Variants in ARHGEF17 observed in about 807,000 individuals in gnomAD.
The protein encoded by ARHGEF17 is 164 kDa Rho-specific guanine-nucleotide exchange factor.
ARHGEF17 carries 80 observed loss-of-function variants against 174.0 expected under a neutral mutation model. That is an observed-to-expected ratio of 0.46 (90% confidence interval 0.38 to 0.55). ARHGEF17 has a LOEUF of 0.55. Among genes scored for constraint, ARHGEF17 ranks in the 20% least tolerant of loss-of-function variants. The pLI is 0.00. For synonymous variants in ARHGEF17, 1,311 were observed against 1,189.1 expected (o/e 1.10, Z -2.11); for missense variants, 2,886 against 2,839.7 (o/e 1.02, Z -0.37).
At chr11:73,344,445 C>T (rs1414951128) in intron 1 of ARHGEF17, among the ~76,000 whole-genome samples, 2 of 152,232 alleles carry the variant, frequency 1.3e-5, no homozygotes, top group Admixed American at 6.5e-5. Flanking sequence ...CCCAGCCTCC[C>T]GGCATCAGGC....
intron 1 of ARHGEF17, among the ~76,000 whole-genome samples, chr11:73,335,343 A>C (rs565114136): frequency 1.3e-5 from 2 of 152,234 alleles, no homozygotes; most frequent in South Asian, 4.1e-4. Context: ...TCTTGGGCTG[A>C]GAGGATGATT....
chr11:73,317,291 G>C (rs1340757398), intron 1 of ARHGEF17, among the ~76,000 whole-genome samples: 8 of 152,152 alleles, frequency 5.3e-5, no homozygotes, highest in African/African-American at 1.9e-4. Flanking sequence ...GGGAGCTCAT[G>C]CCTCCCCCTA....
intron 1 of ARHGEF17, among the ~76,000 whole-genome samples, chr11:73,331,436 A>G (rs1215442604): frequency 6.6e-6 from 1 of 151,972 alleles, no homozygotes; most frequent in Non-Finnish European, 1.5e-5. Context: ...GCCCCAGCGT[A>G]GCCTATACCA....
intron 10 of ARHGEF17, 70 bp downstream of exon 10, chr11:73,360,022 C>A: frequency 7.2e-7 from 1 of 1,390,788 alleles, no homozygotes. Flanking sequence ...GAGAGATAGA[C>A]AGCCCTGACA....
chr11:73,338,824 A>G (rs750019910), intron 1 of ARHGEF17, among the ~76,000 whole-genome samples: 4 of 152,008 alleles, frequency 2.6e-5, no homozygotes, highest in Non-Finnish European at 5.9e-5. Context: ...CTTACCAGCC[A>G]GGTGACCTCT....
chr11:73,329,366 TATA>T (rs1378184586), intron 1 of ARHGEF17, among the ~76,000 whole-genome samples: 13 of 19,764 alleles, frequency 6.6e-4, no homozygotes, highest in Non-Finnish European at 1.2e-3. Context: ...TATATATATA[TATA>T]TATATTTTTT....
intron 1 of ARHGEF17, among the ~76,000 whole-genome samples, chr11:73,337,893 T>A (rs1365780196): frequency 1.3e-5 from 2 of 152,110 alleles, no homozygotes; most frequent in Non-Finnish European, 2.9e-5. Flanking sequence ...TCACTCATAA[T>A]CCCACCCCAG....
Position 73,360,394 on chromosome 11 carries a change from C to T in ARHGEF17, c.4281C>T (p.Tyr1427=), listed in dbSNP as rs772457415. ...RDLSEKQALC[Y]ALSFPPTKLE... is the part of the protein sequence containing the mutation. ...TGTCGGAGAAGCAGGCGCTGTGCTACGCGCTTTCCTTCCCGCCAACCAAGC... is the reference window on the plus strand; with the variant it reads ...TGTCGGAGAAGCAGGCGCTGTGCTATGCGCTTTCCTTCCCGCCAACCAAGC... The change falls in exon 11 of 21, where the codon TAC becomes TAT. Residue 1427 remains tyrosine, a synonymous_variant. Transcript: ENST00000263674. 11 of 1,613,946 alleles carry T rather than the reference C, an allele frequency of 6.8e-6. No individual in the cohort carries two copies. Among genetic ancestry groups the T allele is most frequent in the East Asian group, 2.2e-5 (1 of 44,886 alleles).
In ARHGEF17 at chr11:73,310,141, C is replaced by A. The variant is rs780258089; in HGVS notation, c.1503C>A (p.Pro501=). Residue 501 remains proline, a synonymous_variant, in exon 1 of 21, where the codon CCC becomes CCA. Coordinates refer to ENST00000263674, the MANE Select transcript of ARHGEF17 (RefSeq NM_014786.4). ...GCTCCGGGGACCGTGGAAGCAACCC[C>A]CTAGATGGCAGAGACTCACCATCCG... ...GGSSGDRGSN[P]LDGRDSPSAG... The A allele has an allele frequency of 1.2e-6, 2 of 1,614,070 alleles. No homozygotes were observed. Among genetic ancestry groups the A allele is most frequent in the Non-Finnish European group, 1.7e-6 (2 of 1,180,032 alleles).
Position 73,365,099 on chromosome 11 carries a change from A to T in ARHGEF17, c.5551-291A>T. On this transcript the variant is annotated intron_variant, in intron 18 of 20. Coordinates refer to ENST00000263674, the MANE Select transcript of ARHGEF17 (RefSeq NM_014786.4). The surrounding 1 kb of genome is among the most constrained non-coding windows in gnomAD (Gnocchi z 4.9). ...GTGTGACCTTTCCCTTCTAGGCTTC[A>T]GCTTCCCCACCTGTCCAGGGGGAGG... 2 of 415,394 alleles carry T rather than the reference A, an allele frequency of 4.8e-6. No individual in the cohort carries two copies. Among genetic ancestry groups the T allele is most frequent in the Non-Finnish European group, 4.4e-6 (1 of 228,456 alleles). The allele number at this position is 415,394 out of a possible 1,614,324, so 25.7% of individuals were successfully genotyped here. A position where few individuals can be genotyped will look rare whatever the true frequency, so the allele number is the denominator to read the frequency against.
chr11:73,361,328 T>C (rs1261430192), intron 12 of ARHGEF17, among the ~76,000 whole-genome samples, 167 bp downstream of exon 12: 1 of 152,240 alleles, frequency 6.6e-6, no homozygotes, highest in Admixed American at 6.5e-5. Context: ...ATGTATTACA[T>C]GTACACATGT....
chr11:73,357,177 G>A (rs1300024561), intron 8 of ARHGEF17, 43 bp downstream of exon 8: 2 of 1,612,150 alleles, frequency 1.2e-6, no homozygotes, highest in African/African-American at 2.7e-5. Context: ...AACAGGGGGA[G>A]CATTTGTCCC....
chr11:73,368,609 G>C lies in ARHGEF17; in HGVS notation c.*829G>C, dbSNP rs1314510059. ...CTTGGACAGGGCTTTCTCTCAGGTA[G>C]GAGAAATGGGCCCATGATCTCCTCA... On this transcript the variant is annotated 3_prime_UTR_variant, in exon 21 of 21. Coordinates refer to ENST00000263674, the MANE Select transcript of ARHGEF17 (RefSeq NM_014786.4). The C allele has an allele frequency of 6.6e-6, 1 of 152,334 alleles. No homozygotes were observed. The highest frequency in any genetic ancestry group is 1.5e-5 in the Non-Finnish European group (1 of 68,044). The allele number at this position is 152,334 out of a possible 1,614,324, so 9.4% of individuals were successfully genotyped here.
intron 1 of ARHGEF17, among the ~76,000 whole-genome samples, chr11:73,325,307 T>G (rs1383936276): frequency 6.6e-6 from 1 of 151,954 alleles, no homozygotes; most frequent in African/African-American, 2.4e-5. Context: ...GCCTCAGTCA[T>G]CAGGTCGCTT....
intron 1 of ARHGEF17, among the ~76,000 whole-genome samples, chr11:73,322,494 A>G (rs1865032917): frequency 6.6e-6 from 1 of 152,194 alleles, no homozygotes; most frequent in Admixed American, 6.5e-5. Flanking sequence ...CCCCCCATGC[A>G]TCTCACCATT....
chr11:73,319,547 C>T (rs1864982560), intron 1 of ARHGEF17, among the ~76,000 whole-genome samples: 1 of 152,232 alleles, frequency 6.6e-6, no homozygotes. Flanking sequence ...ATTATTCTTT[C>T]TACTGCACAG....
rs1249972579 is a variant in ARHGEF17 at position 73,309,109 on chromosome 11, G to T, written c.471G>T (p.Ala157=). 6.4e-7 allele frequency: 1 copy of T among 1,562,406 alleles called. No homozygotes were observed. Among genetic ancestry groups the T allele is most frequent in the East Asian group, 2.5e-5 (1 of 40,086 alleles). Residue 157 remains alanine, a synonymous_variant, in exon 1 of 21, where the codon GCG becomes GCT. Coordinates refer to ENST00000263674, the MANE Select transcript of ARHGEF17 (RefSeq NM_014786.4). The part of the protein sequence containing the change: ...SPGTPSPDGA[A]WEPPARESRQ... ...GAACGCCCAGCCCCGACGGTGCCGC[G>T]TGGGAGCCTCCGGCTCGGGAGTCGC...
rs1865753026 is a variant in ARHGEF17 at position 73,362,233 on chromosome 11, G to A, written c.4688G>A (p.Cys1563Tyr). 1.3e-6 allele frequency: 2 copies of A among 1,536,836 alleles called. No homozygotes were observed. Among genetic ancestry groups the A allele is most frequent in the South Asian group, 1.2e-5 (1 of 84,238 alleles). Residue 1563 changes from cysteine to tyrosine, a missense_variant, in exon 13 of 21, where the codon TGC (cysteine) becomes TAC (tyrosine). This residue lies in a region of ARHGEF17 where 476 missense variants were observed against 473.1 expected (regional missense o/e 1.01). Transcript: ENST00000263674. ...IGAVPGLQPR[C>Y]HREPPPSLRS... ...GCGGTGCCCGGGCTGCAGCCTCGCT[G>A]CCACCGGTGAGGCCTGGGCGGCGGG...
rs766865859 is a variant in ARHGEF17, at chr11:73,362,502, C to A, written c.4764C>A (p.Val1588=). ...APEPAGPELD[V]EAAADEEAAT... ...AGCCCGCCGGGCCGGAGCTGGACGT[C>A]GAGGCCGCTGCAGACGAGGAAGCCG... is the stretch of plus-strand genomic sequence containing the variant. Residue 1588 remains valine (V), a synonymous_variant, in exon 14 of 21, where the codon GTC becomes GTA. Coordinates refer to ENST00000263674, the MANE Select transcript of ARHGEF17 (RefSeq NM_014786.4). 57 of 1,602,006 alleles carry A rather than the reference C, an allele frequency of 3.6e-5. No homozygotes were observed. The highest frequency in any genetic ancestry group is 4.7e-5 in the Non-Finnish European group (55 of 1,176,862).
Sources: gnomAD v4.1 joint callset for allele counts (sites outside exome capture counted in the v4.1 genomes callset) on GRCh38, gnomAD v4.1.1 for gene constraint, gnomAD v4.1.1 regional missense constraint, Gnocchi (gnomAD v3.1) non-coding constraint, MANE v1.5 for transcripts, NCBI Gene and HGNC (gene_info 2026-07-23, HGNC 2026-07-21) for gene names.